The following SVEP1 variants were observed in gnomAD, a reference collection of about 807,000 sequenced individuals.
The protein encoded by SVEP1 is sushi, von Willebrand factor type A, EGF and pentraxin domain-containing protein 1.
A neutral mutation model predicts 367.3 loss-of-function variants in SVEP1; 164 were observed. The ratio of observed to expected loss-of-function variants is 0.45; its 90% CI spans 0.39 to 0.51. The LOEUF is 0.51. SVEP1 is among the 20% of genes least tolerant of loss of function. The pLI is 0.00. For missense variants in SVEP1, 4,117 were observed against 4,425.3 expected (o/e 0.93, Z 1.98); for synonymous variants, 1,666 against 1,611.6 (o/e 1.03, Z -0.81).
At chr9:110,468,371 C>A (rs1230666483) in intron 17 of SVEP1, among the ~76,000 whole-genome samples, 1 of 152,160 alleles carries the variant, frequency 6.6e-6, no homozygotes, top group East Asian at 1.9e-4. Flanking sequence ...GCTTAGAACA[C>A]CCTACCCCTA....
chr9:110,464,912 ACTGT>A (rs59856135), intron 18 of SVEP1, among the ~76,000 whole-genome samples: 8,836 of 152,114 alleles, frequency 0.058, 328 homozygotes, highest in African/African-American at 0.11. Context: ...GCTGACCTTG[ACTGT>A]CAGTCCTAAT....
intron 8 of SVEP1, among the ~76,000 whole-genome samples, chr9:110,494,305 C>A (rs1289909498): frequency 2.0e-5 from 3 of 152,200 alleles, no homozygotes; most frequent in Non-Finnish European, 4.4e-5. Context: ...AATTGCTCCT[C>A]TTTCCTCAAG....
intron 36 of SVEP1, among the ~76,000 whole-genome samples, chr9:110,425,748 T>A (rs924695417): frequency 1.3e-5 from 2 of 152,308 alleles, no homozygotes; most frequent in East Asian, 3.9e-4. Context: ...TTTGTGAGGA[T>A]GTGTATGATT....
chr9:110,530,452 T>C (rs897216416), intron 3 of SVEP1, among the ~76,000 whole-genome samples: 1 of 152,194 alleles, frequency 6.6e-6, no homozygotes, highest in Admixed American at 6.6e-5. Context: ...AAAGTATACA[T>C]AAGTATTATA....
At chr9:110,493,269 A>G (rs1429818648) in intron 8 of SVEP1, among the ~76,000 whole-genome samples, 2 of 152,062 alleles carry the variant, frequency 1.3e-5, no homozygotes, top group African/African-American at 2.4e-5. Context: ...GGACTACACA[A>G]GAGAGATAAT....
rs773680558 is a variant in SVEP1, at chr9:110,407,070, C to T, written c.8530G>A (p.Val2844Met). 1 of 1,614,010 alleles carries T rather than the reference C, an allele frequency of 6.2e-7. No individual in the cohort carries two copies. The highest frequency in any genetic ancestry group is 8.5e-7 in the Non-Finnish European group (1 of 1,179,896). Residue 2844 changes from valine to methionine, a missense_variant, in exon 38 of 48, where the codon GTG (valine) becomes ATG (methionine). Val to Met is a conservative substitution (Grantham distance 21). Coordinates refer to ENST00000374469, the MANE Select transcript of SVEP1 (RefSeq NM_153366.4). ...SSPPVSANGQ[V>M]RGDEYTFQKE... Reference sequence around the variant, plus strand: ...TGGAATGTGTACTCGTCTCCTCTCACCTGGCCATTGGCTGAGACTGGGGGT... The same window carrying T: ...TGGAATGTGTACTCGTCTCCTCTCATCTGGCCATTGGCTGAGACTGGGGGT...
At chr9:110,375,951 A>G (rs1827344643) in intron 45 of SVEP1, among the ~76,000 whole-genome samples, 1 of 149,572 alleles carries the variant, frequency 6.7e-6, no homozygotes, top group Non-Finnish European at 1.5e-5. Context: ...GGGACAACAC[A>G]CCCTTTATTT....
intron 36 of SVEP1, 144 bp downstream of exon 36, chr9:110,427,447 C>A: frequency 1.1e-6 from 1 of 928,696 alleles, no homozygotes. Context: ...TCCGTCTCTG[C>A]AGGTAGGAAA....
intron 3 of SVEP1, among the ~76,000 whole-genome samples, chr9:110,533,663 C>T (rs182028847): frequency 5.3e-5 from 8 of 152,230 alleles, no homozygotes; most frequent in African/African-American, 9.6e-5. Context: ...CACTATAAGG[C>T]ACACCATGTT....
chr9:110,444,204 T>C (rs1336165817), intron 26 of SVEP1, among the ~76,000 whole-genome samples: 1 of 152,232 alleles, frequency 6.6e-6, no homozygotes, highest in African/African-American at 2.4e-5. Flanking sequence ...AATATTTGTA[T>C]GCTCTCAGAA....
At chr9:110,544,960 C>G (rs984724949) in intron 3 of SVEP1, among the ~76,000 whole-genome samples, 1 of 152,280 alleles carries the variant, frequency 6.6e-6, no homozygotes, top group African/African-American at 2.4e-5. Flanking sequence ...GCACTCTTCT[C>G]CTTTCTAATT....
intron 1 of SVEP1, among the ~76,000 whole-genome samples, chr9:110,551,437 C>CT (rs1282378601): frequency 6.6e-6 from 1 of 152,196 alleles, no homozygotes; most frequent in Non-Finnish European, 1.5e-5. Flanking sequence ...TTAAATGAAA[C>CT]TAACAATGCC....
intron 1 of SVEP1, among the ~76,000 whole-genome samples, chr9:110,553,319 T>C (rs972524300): frequency 2.0e-5 from 3 of 152,230 alleles, no homozygotes; most frequent in Non-Finnish European, 4.4e-5. Context: ...TTTGCTTAGA[T>C]GTGCCTACGT....
chr9:110,546,156 T>C lies in SVEP1; in HGVS notation c.923A>G (p.Glu308Gly), dbSNP rs1028179045. Residue 308 changes from glutamate to glycine, a missense_variant, in exon 3 of 48, where the codon GAA becomes GGA. By Grantham distance (98) the Glu-to-Gly change is moderately conservative (BLOSUM62 -2). Coordinates refer to ENST00000374469, the MANE Select transcript of SVEP1 (RefSeq NM_153366.4). ...CAGACCTTTCCCGTAATACCCCTTT[T>C]CACAGATGCACTCAAAATGGCCTGT... The part of the protein sequence containing the change: ...THTGHFECIC[E>G]KGYYGKGLQY... 10 of 1,553,844 alleles carry C rather than the reference T, an allele frequency of 6.4e-6. No homozygotes were observed. In the African/African-American group the frequency reaches 1.1e-4, roughly 17 times the overall value.
At chr9:110,537,138 T>C (rs920364872) in intron 3 of SVEP1, among the ~76,000 whole-genome samples, 3 of 151,970 alleles carry the variant, frequency 2.0e-5, no homozygotes, top group African/African-American at 7.2e-5. Context: ...ATTTTTGGCA[T>C]GCAACTCAGG....
rs962752319 is a variant in SVEP1 at position 110,571,799 on chromosome 9, A to G, written c.531+7214T>C. On this transcript the variant is annotated intron_variant, in intron 1 of 47. Coordinates refer to ENST00000374469, the MANE Select transcript of SVEP1 (RefSeq NM_153366.4). ...ACCACAGTATGAAATTCCAAGTGCC[A>G]GGCGGGGACTCCAGTGGGCTGAAAG... Among the ~76,000 whole-genome samples the G allele has an allele frequency of 4.6e-5, 7 of 152,366 alleles. No individual in the cohort carries two copies. The East Asian group carries it at 1.4e-3, about 29-fold the overall frequency.
intron 37 of SVEP1, among the ~76,000 whole-genome samples, chr9:110,409,554 G>C (rs1828013573): frequency 6.6e-6 from 1 of 152,084 alleles, no homozygotes; most frequent in Admixed American, 6.6e-5. Flanking sequence ...GAACTGATGA[G>C]GCAACGCTAA....
In SVEP1 at chr9:110,429,156, C is replaced by T. The variant is rs373149547; in HGVS notation, c.5794G>A (p.Asp1932Asn). 82 of 1,591,692 alleles carry T rather than the reference C, an allele frequency of 5.2e-5. No individual in the cohort carries two copies. The South Asian group carries it at 6.2e-4, about 12-fold the overall frequency. The part of the protein sequence containing the change: ...TYLSTASYSC[D>N]TGYSLQGPSI... The stretch of plus-strand genomic sequence containing the variant: ...TACAAATGTTACCTGTATCCTGTAT[C>T]GCATGAATATGATGCAGTAGAAAGG... The change falls in exon 35 of 48, where the codon GAT becomes AAT. Residue 1932 changes from aspartate to asparagine, a missense_variant. Asp to Asn is a conservative substitution (Grantham distance 23, BLOSUM62 1). Transcript: ENST00000374469.
At chr9:110,515,120 C>T (rs1041759730) in intron 3 of SVEP1, among the ~76,000 whole-genome samples, 1 of 152,114 alleles carries the variant, frequency 6.6e-6, no homozygotes, top group South Asian at 2.1e-4. Context: ...GTAACTTAAT[C>T]CCTCTGGAGT....
Sources: gnomAD v4.1 joint callset for allele counts (sites outside exome capture counted in the v4.1 genomes callset) on GRCh38, gnomAD v4.1.1 for gene constraint, MANE v1.5 for transcripts, NCBI Gene and HGNC (gene_info 2026-07-23, HGNC 2026-07-21) for gene names.